The following LRRC71 variants were observed in gnomAD, a reference collection of about 807,000 sequenced individuals.
The protein encoded by LRRC71 is leucine rich repeat containing 71.
LRRC71 carries 54 observed loss-of-function variants against 66.6 expected under a neutral mutation model. That is an observed-to-expected ratio of 0.81 (90% CI 0.65 to 1.02). The LOEUF (loss-of-function observed/expected upper bound fraction) is 1.02. Among genes scored for constraint, LRRC71 ranks in the 50% least tolerant of loss-of-function variants. The probability of loss-of-function intolerance (pLI) is 0.00; values close to 1 mark genes in which losing one functional copy is unlikely to be tolerated. For missense variants in LRRC71, 724 were observed against 718.0 expected, an observed-to-expected ratio of 1.01 and a Z score of -0.10; for synonymous variants, 323 against 303.9, an observed-to-expected ratio of 1.06 and a Z score of -0.65.
At chr1:156,936,175 C>T (rs764994469), downstream of LRRC71, 1 of 1,062,138 alleles carries the variant, frequency 9.4e-7, no homozygotes, top group East Asian at 2.4e-5. Flanking sequence ...CCTTCTCCTC[C>T]AGAAACCCCA....
In LRRC71 at chr1:156,924,434, G is replaced by C; in HGVS notation, c.321G>C (p.Arg107=). 1 of 1,550,562 alleles carries C rather than the reference G, an allele frequency of 6.4e-7. No individual in the cohort carries two copies. ...ACCTCTGCCTTCCAGACGATCCGCG[G>C]CTGTCGGGGTCCTGCAGCCTCAATA... The part of the protein sequence containing the change: ...LSEKATLDDP[R]LSGSCSLNSL... The change falls in exon 3 of 15, where the codon CGG becomes CGC. Residue 107 remains arginine (R), a synonymous_variant. Transcript: ENST00000337428.
downstream of LRRC71, among the ~76,000 whole-genome samples, chr1:156,933,913 G>A (rs1016777399): frequency 6.6e-6 from 1 of 152,158 alleles, no homozygotes; most frequent in Non-Finnish European, 1.5e-5. Flanking sequence ...CCCTTGTCCT[G>A]CTGTCTTACT....
At chr1:156,926,730 A>T (rs368225527) in intron 5 of LRRC71, among the ~76,000 whole-genome samples, 1 of 152,014 alleles carries the variant, frequency 6.6e-6, no homozygotes, top group African/African-American at 2.4e-5. Context: ...GCACGCCACC[A>T]TGTCCCGCTA....
chr1:156,929,276 A>C lies in LRRC71; in HGVS notation c.997-4A>C, dbSNP rs774885805. ...CCCCCCTTCCCTCCCATTTGTGAGC[A>C]CAGCCCTCCTCCTCTCGACACGGGG... On this transcript the variant is annotated splice_region_variant and splice_polypyrimidine_tract_variant and intron_variant, in intron 9 of 14. Transcript: ENST00000337428. The C allele has an allele frequency of 3.1e-6, 5 of 1,596,936 alleles. No homozygotes were observed. In the South Asian group the frequency reaches 5.7e-5, roughly 18 times the overall value.
the LRRC71 span, chr1:156,938,721 G>A: frequency 1.9e-6 from 1 of 513,874 alleles, no homozygotes. Flanking sequence ...GAGAAGGAAG[G>A]TCAGTTCCCA....
the LRRC71 span, chr1:156,939,555 C>T: frequency 6.2e-7 from 1 of 1,611,290 alleles, no homozygotes; most frequent in Non-Finnish European, 8.5e-7. Flanking sequence ...TACCTTTTCT[C>T]ACAACTTTGT....
At chr1:156,923,913 T>C in intron 1 of LRRC71, 36 bp from the exon 2 acceptor site, 1 of 1,432,898 alleles carries the variant, frequency 7.0e-7, no homozygotes. Context: ...GGGGTGGGCG[T>C]GGCCCCTTCT....
At position 156,924,442 on chromosome 1, in the gene LRRC71, G is replaced by A. The variant is rs1205028945; in HGVS notation, c.329G>A (p.Gly110Glu). 6.4e-7 allele frequency: 1 copy of A among 1,550,918 alleles called. No individual in the cohort carries two copies. The highest frequency in any genetic ancestry group is 8.7e-7 in the Non-Finnish European group (1 of 1,146,966). The change falls in exon 3 of 15, where the codon GGG becomes GAG. Residue 110 changes from glycine to glutamate, a missense_variant. Gly to Glu is a moderately conservative substitution (Grantham distance 98, BLOSUM62 -2). Coordinates refer to ENST00000337428, the MANE Select transcript of LRRC71 (RefSeq NM_144702.3). The stretch of plus-strand genomic sequence containing the variant: ...CTTCCAGACGATCCGCGGCTGTCGG[G>A]GTCCTGCAGCCTCAATAGCCTGGAG... ...KATLDDPRLS[G>E]SCSLNSLESK...
At chr1:156,935,858 C>T (rs1408574334), downstream of LRRC71, 23 of 950,006 alleles carry the variant, frequency 2.4e-5, no homozygotes, top group Non-Finnish European at 3.6e-5. Context: ...CGGGTCTCCC[C>T]CCGGGCCTTG....
chr1:156,936,417 G>A (rs1300802572), downstream of LRRC71, among the ~76,000 whole-genome samples: 2 of 145,752 alleles, frequency 1.4e-5, no homozygotes, highest in Non-Finnish European at 3.0e-5. Flanking sequence ...GGATCACTTC[G>A]GCCCAGGAGT....
rs770131963 is a variant in LRRC71, at chr1:156,928,015, A to G, written c.996+11A>G. On this transcript the variant is annotated intron_variant, in intron 9 of 14. Coordinates refer to ENST00000337428, the MANE Select transcript of LRRC71 (RefSeq NM_144702.3). ...GAGCGCTCGCGATCGGTGAGGAGCTACCAGGCCCCAGGACCAGCCGAGAGC... is the reference window on the plus strand; with the variant it reads ...GAGCGCTCGCGATCGGTGAGGAGCTGCCAGGCCCCAGGACCAGCCGAGAGC... 1 of 1,581,692 alleles carries G rather than the reference A, an allele frequency of 6.3e-7. No homozygotes were observed. The highest frequency in any genetic ancestry group is 1.2e-5 in the South Asian group (1 of 86,462).
In LRRC71 at chr1:156,927,957, C is replaced by G. The variant is rs750634694; in HGVS notation, c.949C>G (p.Arg317Gly). ...GCTGACACACACCGAAGTGGTGGAG[C>G]GCCGACGCCTCCTGCTGGAAAAAGG... ...FELTHTEVVE[R>G]RRLLLEKGTQ... The change falls in exon 9 of 15, where the codon CGC (arginine) becomes GGC (glycine). Residue 317 changes from arginine (R) to glycine (G), a missense_variant. Coordinates refer to ENST00000337428, the MANE Select transcript of LRRC71 (RefSeq NM_144702.3). 82 of 1,611,336 alleles carry G rather than the reference C, an allele frequency of 5.1e-5. No homozygotes were observed. The highest frequency in any genetic ancestry group is 6.8e-5 in the Non-Finnish European group (80 of 1,179,218).
chr1:156,923,884 G>A, intron 1 of LRRC71, 65 bp from the exon 2 acceptor site: 4 of 1,409,878 alleles, frequency 2.8e-6, no homozygotes, highest in Non-Finnish European at 3.7e-6. Context: ...CCGCCCGCGC[G>A]GGAGAGCTTG....
chr1:156,929,469 CAG>C (rs761358144), intron 10 of LRRC71, 40 bp downstream of exon 10: 1 of 1,612,512 alleles, frequency 6.2e-7, no homozygotes, highest in Non-Finnish European at 8.5e-7. Context: ...GCTGGACGGA[CAG>C]GGGAGGGGGC....
Position 156,930,571 on chromosome 1 carries a change from T to C in LRRC71, c.1283T>C (p.Ile428Thr). 1.3e-6 allele frequency: 2 copies of C among 1,570,148 alleles called. No homozygotes were observed. The highest frequency in any genetic ancestry group is 2.4e-5 in the East Asian group (1 of 42,242). ...PEQKPSRAKGIKIGSREKRSI... is the reference protein window; with the variant it reads ...PEQKPSRAKGTKIGSREKRSI... ...CAGAAGCCAAGCAGGGCAAAAGGGA[T>C]CAAGATCGGGAGCAGAGAGAAGCGC... The change falls in exon 12 of 15, where the codon ATC (isoleucine) becomes ACC (threonine). Residue 428 changes from isoleucine (I) to threonine (T), a missense_variant. By Grantham distance (89) the Ile-to-Thr change is moderately conservative. Coordinates refer to ENST00000337428, the MANE Select transcript of LRRC71 (RefSeq NM_144702.3).
chr1:156,920,935 C>T lies in LRRC71; in HGVS notation c.132C>T (p.Pro44=), dbSNP rs1017130068. The change falls in exon 1 of 15, where the codon CCC becomes CCT. Residue 44 remains proline, a synonymous_variant. Coordinates refer to ENST00000337428, the MANE Select transcript of LRRC71 (RefSeq NM_144702.3). The surrounding 1 kb of genome is among the most constrained non-coding windows in gnomAD (Gnocchi z 4.9). The part of the protein sequence containing the change: ...AKEKPATVLP[P]VGEEEPKSPE... ...AGAAGCCAGCGACCGTTCTGCCTCC[C>T]GTGGGGGAGGAGGAGCCCAAAAGCC... 1.8e-5 allele frequency: 28 copies of T among 1,537,330 alleles called. No homozygotes were observed. Among genetic ancestry groups the T allele is most frequent in the Middle Eastern group, 1.7e-4 (1 of 5,824 alleles).
Position 156,920,994 on chromosome 1 carries a change from C to T in LRRC71, c.160+31C>T, listed in dbSNP as rs758521596. 4.6e-5 allele frequency: 68 copies of T among 1,472,978 alleles called. No homozygotes were observed. The highest frequency in any genetic ancestry group is 4.2e-5 in the Non-Finnish European group (46 of 1,105,678). 91.2% of individuals were successfully genotyped at this position (1,472,978 alleles called of 1,614,324 possible). A position where few individuals can be genotyped will look rare whatever the true frequency, so the allele number is the denominator to read the frequency against. On this transcript the variant is annotated intron_variant, in intron 1 of 14. Transcript: ENST00000337428. The surrounding 1 kb of genome is among the most constrained non-coding windows in gnomAD (Gnocchi z 4.9). The stretch of plus-strand genomic sequence containing the variant: ...CTGGCGCCGGGGTTTGGGGATCGGG[C>T]TTCCAGGCTGCGTCTTCCCGGGTTC...
At position 156,928,040 on chromosome 1, in the gene LRRC71, C is replaced by T. The variant is rs760563053; in HGVS notation, c.996+36C>T. The T allele has an allele frequency of 1.2e-5, 19 of 1,546,682 alleles. No individual in the cohort carries two copies. The Admixed American group carries it at 3.3e-4, about 26-fold the overall frequency. On this transcript the variant is annotated intron_variant, in intron 9 of 14. Coordinates refer to ENST00000337428, the MANE Select transcript of LRRC71 (RefSeq NM_144702.3). The stretch of plus-strand genomic sequence containing the variant: ...ACCAGGCCCCAGGACCAGCCGAGAG[C>T]CCCTCTGACCCTCGAGCCCACTCCC...
chr1:156,940,733 C>T, the LRRC71 span, among the ~76,000 whole-genome samples: 2 of 152,114 alleles, frequency 1.3e-5, no homozygotes, highest in African/African-American at 4.8e-5. Context: ...AACAACAGGG[C>T]ATGGGGCTAG....
Sources: allele counts gnomAD v4.1 joint callset (sites outside exome capture counted in the v4.1 genomes callset), GRCh38; gene constraint gnomAD v4.1.1; non-coding constraint Gnocchi (gnomAD v3.1); transcripts MANE v1.5; gene names NCBI Gene and HGNC (gene_info 2026-07-23, HGNC 2026-07-21).